The following ZNF250 variants were observed in gnomAD, a reference collection of about 807,000 sequenced individuals.
The protein encoded by ZNF250 is zinc finger protein (clone 647).
In ZNF250, 13 loss-of-function variants were observed where a neutral mutation model predicts 37.1. The observed-to-expected ratio is 0.35, with a 90% CI of 0.23 to 0.56. The LOEUF (loss-of-function observed/expected upper bound fraction) is 0.56, where lower values mean the gene tolerates loss of function less well. Among genes scored for constraint, ZNF250 ranks in the 20% least tolerant of loss-of-function variants. The pLI, the probability that ZNF250 is intolerant of heterozygous loss-of-function variation, is 0.87. For missense variants in ZNF250, 474 were observed against 697.9 expected (o/e 0.68, Z 3.61); for synonymous variants, 251 against 265.6 (o/e 0.94, Z 0.54).
At position 144,889,632 on chromosome 8, in the gene ZNF250, G is replaced by A. The variant is rs1255675675; in HGVS notation, c.232C>T (p.Leu78=). ...QLERGEDPWV[L]DRKGAKKSQG... ...CTCTTCTTAGCCCCCTTCCTGTCCAGGACCCAGGGATCTTCCCCTCGCTCC... is the reference window on the plus strand; with the variant it reads ...CTCTTCTTAGCCCCCTTCCTGTCCAAGACCCAGGGATCTTCCCCTCGCTCC... The change falls in exon 4 of 6, where the codon CTG becomes TTG. Residue 78 remains leucine (L), a synonymous_variant. Coordinates refer to ENST00000417550, the MANE Select transcript of ZNF250 (RefSeq NM_001109689.4). 6.2e-7 allele frequency: 1 copy of A among 1,614,004 alleles called. No homozygotes were observed. Among genetic ancestry groups the A allele is most frequent in the East Asian group, 2.2e-5 (1 of 44,880 alleles).
Position 144,882,942 on chromosome 8 carries a change from C to T in ZNF250, c.347-106G>A. 3.2e-6 allele frequency: 4 copies of T among 1,260,204 alleles called. No homozygotes were observed. The highest frequency in any genetic ancestry group is 3.3e-6 in the Non-Finnish European group (3 of 901,932). The allele number at this position is 1,260,204 out of a possible 1,614,324, so 78.1% of individuals were successfully genotyped here. On this transcript the variant is annotated intron_variant, in intron 5 of 5. Coordinates refer to ENST00000417550, the MANE Select transcript of ZNF250 (RefSeq NM_001109689.4). This position sits in a 1 kb window ranked among gnomAD's most constrained non-coding sequence, Gnocchi z 5.5. ...GATGAAGGTGCAAAATCCCTCAATG[C>T]ACACGTTGGTGTGAGCTACAGAAGA...
Position 144,880,799 on chromosome 8 carries a change from C to T in ZNF250, c.*716G>A, listed in dbSNP as rs916571322. ...GAAAAGCTTGAACCTGGGGTGGGGG[C>T]GGAGACTGCAGTGAGCCAAGATCAT... On this transcript the variant is annotated 3_prime_UTR_variant, in exon 6 of 6. Coordinates refer to ENST00000417550, the MANE Select transcript of ZNF250 (RefSeq NM_001109689.4). The T allele has an allele frequency of 3.3e-4, 88 of 266,676 alleles. 2 individuals are homozygous for T. Among genetic ancestry groups the T allele is most frequent in the Admixed American group, 2.5e-3 (57 of 22,744 alleles). The allele number at this position is 266,676 out of a possible 1,614,324, so 16.5% of individuals were successfully genotyped here.
intron 1 of ZNF250, among the ~76,000 whole-genome samples, chr8:144,894,386 C>G (rs1352210316): frequency 6.6e-6 from 1 of 152,090 alleles, no homozygotes; most frequent in Admixed American, 6.5e-5. Flanking sequence ...ACCCCACTGG[C>G]TCCTATGGGC....
intron 1 of ZNF250, among the ~76,000 whole-genome samples, chr8:144,899,406 A>C (rs1832956284): frequency 6.6e-6 from 1 of 152,212 alleles, no homozygotes; most frequent in Non-Finnish European, 1.5e-5. Flanking sequence ...CAACACAAAA[A>C]ATGATGTTTG....
rs1020325861 is a variant in ZNF250, at chr8:144,878,823, G to T, written c.*2692C>A. 1 of 152,098 alleles carries T rather than the reference G, an allele frequency of 6.6e-6. No individual in the cohort carries two copies. The highest frequency in any genetic ancestry group is 1.5e-5 in the Non-Finnish European group (1 of 68,018). The allele number at this position is 152,098 out of a possible 1,614,324, so 9.4% of individuals were successfully genotyped here. ...ATCTAATCTCTAAAGTAATACCTTA[G>T]TGATCCCATTTCCGTTATTTCAGCT... On this transcript the variant is annotated 3_prime_UTR_variant, in exon 6 of 6. Coordinates refer to ENST00000417550, the MANE Select transcript of ZNF250 (RefSeq NM_001109689.4).
chr8:144,887,133 C>T (rs1043417915), intron 4 of ZNF250, among the ~76,000 whole-genome samples: 19 of 151,486 alleles, frequency 1.3e-4, no homozygotes, highest in African/African-American at 3.4e-4. Context: ...GCCTGTAGTC[C>T]CCACTACTAG....
At chr8:144,886,144 C>G (rs1831862892) in intron 5 of ZNF250, among the ~76,000 whole-genome samples, 3 of 150,578 alleles carry the variant, frequency 2.0e-5, no homozygotes, top group Non-Finnish European at 4.4e-5. Flanking sequence ...TGACCTGATG[C>G]CAGGGTAACA....
At chr8:144,893,326 C>T (rs1832483399) in intron 1 of ZNF250, among the ~76,000 whole-genome samples, 1 of 152,050 alleles carries the variant, frequency 6.6e-6, no homozygotes, top group African/African-American at 2.4e-5. Context: ...CACCAGCGCA[C>T]AGATCTGCCA....
intron 1 of ZNF250, among the ~76,000 whole-genome samples, chr8:144,896,795 T>A (rs759671413): frequency 6.6e-6 from 1 of 152,230 alleles, no homozygotes; most frequent in Admixed American, 6.5e-5. Flanking sequence ...ATACTGGAAG[T>A]GGAGTTTGAG....
At chr8:144,896,591 C>T (rs1383126681) in intron 1 of ZNF250, among the ~76,000 whole-genome samples, 1 of 152,218 alleles carries the variant, frequency 6.6e-6, no homozygotes, top group South Asian at 2.1e-4. Context: ...TGGCTTTTAA[C>T]AACACACTCC....
In ZNF250 at chr8:144,882,817, C is replaced by T. The variant is rs771312268; in HGVS notation, c.366G>A (p.Glu122=). ...TCGGACTCAAGTCTGTATTTTGACT[C>T]TCTCCCTTGGTTTCACATTCTGAAA... is the stretch of plus-strand genomic sequence containing the variant. ...SCPWECETKG[E]SQNTDLSPKP... is the part of the protein sequence containing the mutation. Residue 122 remains glutamate, a synonymous_variant, in exon 6 of 6, where the codon GAG becomes GAA. Transcript: ENST00000417550. The surrounding 1 kb of genome is among the most constrained non-coding windows in gnomAD (Gnocchi z 5.5). The T allele has an allele frequency of 2.7e-5, 44 of 1,609,952 alleles. No homozygotes were observed. The highest frequency in any genetic ancestry group is 3.4e-5 in the Non-Finnish European group (40 of 1,177,910).
At chr8:144,887,118 T>G (rs1831940368) in intron 4 of ZNF250, among the ~76,000 whole-genome samples, 1 of 151,598 alleles carries the variant, frequency 6.6e-6, no homozygotes, top group South Asian at 2.1e-4. Context: ...GACATGGTGG[T>G]GCATGCCTGT....
Position 144,880,203 on chromosome 8 carries a change from A to G in ZNF250, c.*1312T>C, listed in dbSNP as rs1831369509. The stretch of plus-strand genomic sequence containing the variant: ...GGACTCTTGAACCAGGAGTAAAAAA[A>G]TGAAAAAAAAAACCCCTTCAAATAT... On this transcript the variant is annotated 3_prime_UTR_variant, in exon 6 of 6. Coordinates refer to ENST00000417550, the MANE Select transcript of ZNF250 (RefSeq NM_001109689.4). 1 of 233,188 alleles carries G rather than the reference A, an allele frequency of 4.3e-6. No individual in the cohort carries two copies. The highest frequency in any genetic ancestry group is 2.2e-5 in the African/African-American group (1 of 44,606). The allele number at this position is 233,188 out of a possible 1,614,324, so 14.4% of individuals were successfully genotyped here. A position where few individuals can be genotyped will look rare whatever the true frequency, so the allele number is the denominator to read the frequency against.
Position 144,897,960 on chromosome 8 carries a change from A to G in ZNF250, c.-55+3439T>C, listed in dbSNP as rs1045710128. The stretch of plus-strand genomic sequence containing the variant: ...TTGCCCTCATTCCGGTAAACCCACA[A>G]CCACAACCTTCCAGCGTGGGCATTA... On this transcript the variant is annotated intron_variant, in intron 1 of 5. Transcript: ENST00000417550. The surrounding 1 kb of genome is among the most constrained non-coding windows in gnomAD (Gnocchi z 5.2). 7.9e-5 allele frequency among the ~76,000 whole-genome samples: 12 copies of G among 152,102 alleles called. No individual in the cohort carries two copies. The highest frequency in any genetic ancestry group is 4.6e-4 in the Admixed American group (7 of 15,276).
rs770386482 is a variant in ZNF250 at position 144,881,279 on chromosome 8, A to G, written c.*236T>C. 9 of 471,080 alleles carry G rather than the reference A, an allele frequency of 1.9e-5. No individual in the cohort carries two copies. Among genetic ancestry groups the G allele is most frequent in the Non-Finnish European group, 2.8e-5 (8 of 284,066 alleles). 29.2% of individuals were successfully genotyped at this position (471,080 alleles called of 1,614,324 possible). On this transcript the variant is annotated 3_prime_UTR_variant, in exon 6 of 6. Transcript: ENST00000417550. ...CTGTTTTTTACCAAAATTCTCTACA[A>G]TTGTATGATTACTCTCCAACATAAC...
At chr8:144,886,498 A>G (rs1831892631) in intron 5 of ZNF250, among the ~76,000 whole-genome samples, 1 of 152,232 alleles carries the variant, frequency 6.6e-6, no homozygotes, top group African/African-American at 2.4e-5. Context: ...TTCAGCCAAG[A>G]GTCACTTGCT....
intron 5 of ZNF250, among the ~76,000 whole-genome samples, chr8:144,885,486 ACAGGGTCTCACTC>A (rs1016545161): frequency 2.0e-5 from 3 of 150,578 alleles, no homozygotes; most frequent in Admixed American, 6.6e-5. Flanking sequence ...TTTTTTTGAG[ACAGGGTCTCACTC>A]TATCACCCAG....
chr8:144,893,335 C>T (rs1359729413), intron 1 of ZNF250, among the ~76,000 whole-genome samples: 1 of 151,812 alleles, frequency 6.6e-6, no homozygotes, highest in East Asian at 2.0e-4. Flanking sequence ...ACAGATCTGC[C>T]ATTTCTTTAT....
rs149901359 is a variant in ZNF250 at position 144,882,095 on chromosome 8, G to A, written c.1088C>T (p.Thr363Met). 115 of 1,611,062 alleles carry A rather than the reference G, an allele frequency of 7.1e-5. 2 individuals are homozygous for A. In the South Asian group the frequency reaches 1.0e-3, roughly 14 times the overall value. ...GAAGGCCTTCCCACACTCGCTGCAC[G>A]TGTAGGGCTTCTCCCCGGTGTGGAT... ...QRIHTGEKPY[T>M]CSECGKAFSD... Residue 363 changes from threonine (T) to methionine (M), a missense_variant, in exon 6 of 6, where the codon ACG becomes ATG. Transcript: ENST00000417550. This position sits in a 1 kb window ranked among gnomAD's most constrained non-coding sequence, Gnocchi z 5.5.
Sources: allele counts gnomAD v4.1 joint callset (sites outside exome capture counted in the v4.1 genomes callset), GRCh38; gene constraint gnomAD v4.1.1; non-coding constraint Gnocchi (gnomAD v3.1); transcripts MANE v1.5; gene names NCBI Gene and HGNC (gene_info 2026-07-23, HGNC 2026-07-21).